Variants in LOXHD1 observed in about 807,000 individuals in gnomAD.
LOXHD1 encodes lipoxygenase homology domain-containing protein 1.
LOXHD1 carries 205 observed loss-of-function variants against 248.2 expected under a neutral mutation model. That is an observed-to-expected ratio of 0.83 (90% CI 0.74 to 0.93). LOXHD1 has a LOEUF of 0.93. Ranked by LOEUF, LOXHD1 falls within the 40% of genes least tolerant of loss-of-function variation. LOXHD1 has a pLI of 0.00. For missense variants in LOXHD1, 2,930 were observed against 2,971.6 expected (o/e 0.99, Z 0.33); for synonymous variants, 1,113 against 1,162.8 (o/e 0.96, Z 0.87).
chr18:46,518,208 T>C lies in LOXHD1; in HGVS notation c.5320A>G (p.Thr1774Ala). 1 of 1,551,688 alleles carries C rather than the reference T, an allele frequency of 6.4e-7. No homozygotes were observed. The highest frequency in any genetic ancestry group is 8.7e-7 in the Non-Finnish European group (1 of 1,146,986). Residue 1774 changes from threonine to alanine, a missense_variant, in exon 34 of 41, where the codon ACT (threonine) becomes GCT (alanine). By Grantham distance (58) the Thr-to-Ala change is moderately conservative. Coordinates refer to ENST00000642948, the MANE Select transcript of LOXHD1 (RefSeq NM_001384474.1). The part of the protein sequence containing the change: ...VWTGDVVGGG[T>A]DSNIFMTLYG... ...AGGGTCATGAAGATGTTGGAGTCAG[T>C]GCCCCCGCCAACCACATCCCCTGTC...
chr18:46,611,051 A>G, intron 5 of LOXHD1, 127 bp from the exon 6 acceptor site: 12 of 1,105,102 alleles, frequency 1.1e-5, no homozygotes, highest in Non-Finnish European at 1.4e-5. Context: ...CCTGAGATCT[A>G]AGGGCTCCTT....
intron 35 of LOXHD1, 89 bp from the exon 36 acceptor site, chr18:46,507,801 C>A (rs1177046146): frequency 5.8e-6 from 8 of 1,376,158 alleles, no homozygotes; most frequent in Non-Finnish European, 7.8e-6. Context: ...CCCCGAATCC[C>A]AACCCTGGAG....
Position 46,522,141 on chromosome 18 carries a change from T to C in LOXHD1, c.5045A>G (p.Tyr1682Cys), listed in dbSNP as rs780686866. The C allele has an allele frequency of 3.9e-6, 6 of 1,551,406 alleles. No individual in the cohort carries two copies. The highest frequency in any genetic ancestry group is 2.7e-5 in the African/African-American group (2 of 73,024). The part of the protein sequence containing the change: ...GFSRGSVEEF[Y>C]VAGLDVGIIK... ...GATGCCCACATCCAAGCCTGCGACG[T>C]AGAACTCCTCCACAGAGCCACGGCT... The change falls in exon 32 of 41, where the codon TAC becomes TGC. Residue 1682 changes from tyrosine (Y) to cysteine (C), a missense_variant. Physicochemically the swap from Tyr to Cys is radical, Grantham distance 194 (BLOSUM62 -2). Transcript: ENST00000642948.
intron 24 of LOXHD1, 32 bp from the exon 25 acceptor site, chr18:46,541,972 G>C (rs950837676): frequency 6.5e-7 from 1 of 1,535,238 alleles, no homozygotes; most frequent in African/African-American, 1.4e-5. Context: ...AACCCATCAA[G>C]GACCTGAGCA....
At chr18:46,613,654 C>T (rs1300182335) in intron 5 of LOXHD1, among the ~76,000 whole-genome samples, 2 of 152,038 alleles carry the variant, frequency 1.3e-5, no homozygotes, top group African/African-American at 4.8e-5. Flanking sequence ...AGAGTGCTTT[C>T]AAGTTTTCAA....
rs893706111 is a variant in LOXHD1 at position 46,569,534 on chromosome 18, G to T, written c.2152C>A (p.Gln718Lys). 2 of 1,551,900 alleles carry T rather than the reference G, an allele frequency of 1.3e-6. No homozygotes were observed. The highest frequency in any genetic ancestry group is 2.7e-5 in the African/African-American group (2 of 73,052). The change falls in exon 16 of 41, where the codon CAA becomes AAA. Residue 718 changes from glutamine (Q) to lysine (K), a missense_variant. Gln to Lys is a moderately conservative substitution (Grantham distance 53). Coordinates refer to ENST00000642948, the MANE Select transcript of LOXHD1 (RefSeq NM_001384474.1). ...LYGDKSDTIK[Q>K]VLLVSDNNLK... ...TTGTTGTCAGAGACAAGAAGAACTTGCTTGATGGTGTCAGATTTATCCCCA... is the reference window on the plus strand; with the variant it reads ...TTGTTGTCAGAGACAAGAAGAACTTTCTTGATGGTGTCAGATTTATCCCCA...
chr18:46,601,173 G>A, intron 8 of LOXHD1, 44 bp downstream of exon 8: 1 of 1,534,280 alleles, frequency 6.5e-7, no homozygotes, highest in Non-Finnish European at 8.8e-7. Flanking sequence ...TTAAAGAGGA[G>A]AGGGGTTGAA....
At chr18:46,639,877 G>T in intron 3 of LOXHD1, 77 bp from the exon 4 acceptor site, 1 of 1,496,536 alleles carries the variant, frequency 6.7e-7, no homozygotes, top group Non-Finnish European at 9.1e-7. Flanking sequence ...ATACCCAGAT[G>T]TTTACTCCAA....
rs1324772129 is a variant in LOXHD1 at position 46,505,973 on chromosome 18, C to G, written c.5743G>C (p.Asp1915His). The change falls in exon 37 of 41, where the codon GAT becomes CAT. Residue 1915 changes from aspartate (D) to histidine (H), a missense_variant. Coordinates refer to ENST00000642948, the MANE Select transcript of LOXHD1 (RefSeq NM_001384474.1). ...VFIIIFGENG[D>H]SGTLALKQSA... ...TGCTTCAGGGCCAGTGTCCCACTAT[C>G]CCCGTTCTCCCCGAAGATGATGATG... is the stretch of plus-strand genomic sequence containing the variant. 3 of 1,552,224 alleles carry G rather than the reference C, an allele frequency of 1.9e-6. No homozygotes were observed. The Admixed American group carries it at 5.9e-5, about 30-fold the overall frequency.
Position 46,521,157 on chromosome 18 carries a change from G to T in LOXHD1, c.5211C>A (p.Asp1737Glu). ...CNCWLAKDRGDGITSRVFDLL... is the reference protein window; with the variant it reads ...CNCWLAKDRGEGITSRVFDLL... ...GGTCGAAGACACGGGAGGTGATGCC[G>T]TCGCCTCTGTCCTTGGCCAGCCAGC... The change falls in exon 33 of 41, where the codon GAC becomes GAA. Residue 1737 changes from aspartate to glutamate, a missense_variant. By Grantham distance (45) the Asp-to-Glu change is conservative. Transcript: ENST00000642948. 6.4e-7 allele frequency: 1 copy of T among 1,551,704 alleles called. No individual in the cohort carries two copies. Among genetic ancestry groups the T allele is most frequent in the Non-Finnish European group, 8.7e-7 (1 of 1,146,994 alleles).
At position 46,529,253 on chromosome 18, in the gene LOXHD1, T is replaced by C. The variant is rs1314848042; in HGVS notation, c.4454A>G (p.Tyr1485Cys). The change falls in exon 29 of 41, where the codon TAT (tyrosine) becomes TGT (cysteine). Residue 1485 changes from tyrosine to cysteine, a missense_variant. Physicochemically the swap from Tyr to Cys is radical, Grantham distance 194. Transcript: ENST00000642948. The part of the protein sequence containing the change: ...GTDAKVYITI[Y>C]GDLGDTGERY... ...CTCCCCAGTGTCCCCGAGGTCTCCATAGATGGTGATGTACACCTTGGCATC... is the reference window on the plus strand; with the variant it reads ...CTCCCCAGTGTCCCCGAGGTCTCCACAGATGGTGATGTACACCTTGGCATC... 5.2e-6 allele frequency: 8 copies of C among 1,551,570 alleles called. No homozygotes were observed. The East Asian group carries it at 7.3e-5, about 14-fold the overall frequency.
intron 6 of LOXHD1, among the ~76,000 whole-genome samples, chr18:46,608,999 A>C (rs1378408980): frequency 6.6e-6 from 1 of 152,188 alleles, no homozygotes; most frequent in Non-Finnish European, 1.5e-5. Context: ...TGTCCACATA[A>C]TACATATTTG....
At chr18:46,541,705 C>A in intron 25 of LOXHD1, 71 bp downstream of exon 25, 1 of 1,510,294 alleles carries the variant, frequency 6.6e-7, no homozygotes, top group South Asian at 1.2e-5. Flanking sequence ...GAAGGAAGAA[C>A]TGGGGCTGAG....
intron 2 of LOXHD1, 148 bp downstream of exon 2, chr18:46,649,007 G>C (rs906086337): frequency 1.5e-6 from 1 of 667,162 alleles, no homozygotes; most frequent in Non-Finnish European, 2.7e-6. Context: ...GCTGGTACAC[G>C]GTCTGTCATT....
In LOXHD1 at chr18:46,572,179, G is replaced by T; in HGVS notation, c.1971-17C>A. On this transcript the variant is annotated splice_polypyrimidine_tract_variant and intron_variant, in intron 14 of 40. Transcript: ENST00000642948. ...TCCAACCACCTGGTGGGCAAATGGG[G>T]GAATGTTAGCTCTTTGGGTGGAGCA... 6.4e-7 allele frequency: 1 copy of T among 1,550,772 alleles called. No individual in the cohort carries two copies. The highest frequency in any genetic ancestry group is 8.7e-7 in the Non-Finnish European group (1 of 1,146,106).
intron 38 of LOXHD1, among the ~76,000 whole-genome samples, chr18:46,487,412 G>A (rs544625126): frequency 4.6e-4 from 70 of 152,344 alleles, no homozygotes; most frequent in Non-Finnish European, 8.8e-4. Context: ...ATAAACAGAT[G>A]TTTAGTCTCG....
chr18:46,536,716 T>C (rs1185344981), intron 26 of LOXHD1, among the ~76,000 whole-genome samples: 1 of 152,130 alleles, frequency 6.6e-6, no homozygotes, highest in Non-Finnish European at 1.5e-5. Flanking sequence ...TTAAATTTTC[T>C]CGTTAAAAGA....
chr18:46,603,839 T>G (rs1190551976), intron 7 of LOXHD1, among the ~76,000 whole-genome samples: 1 of 152,228 alleles, frequency 6.6e-6, no homozygotes, highest in African/African-American at 2.4e-5. Context: ...TTGTCAGAAG[T>G]TCACATTCTG....
At chr18:46,593,486 A>G (rs328145) in intron 10 of LOXHD1, 114 bp downstream of exon 10, 1 of 1,219,984 alleles carries the variant, frequency 8.2e-7, no homozygotes, top group Non-Finnish European at 1.1e-6. Flanking sequence ...TCCATCGTAC[A>G]TTTTTGTCTT....
Sources: allele counts gnomAD v4.1 joint callset (sites outside exome capture counted in the v4.1 genomes callset), GRCh38; gene constraint gnomAD v4.1.1; transcripts MANE v1.5; gene names NCBI Gene and HGNC (gene_info 2026-07-23, HGNC 2026-07-21).